Variants in SRD5A2 observed in about 807,000 individuals in gnomAD.
SRD5A2 encodes steroid 5 alpha-reductase 2.
Under a neutral mutation model 27.4 loss-of-function variants are expected in SRD5A2, and 30 were observed. The ratio of observed to expected loss-of-function variants is 1.10; its 90% CI spans 0.82 to 1.49. The LOEUF is 1.49. Among genes scored for constraint, SRD5A2 ranks in the 40% most tolerant of loss-of-function variants. The pLI is 0.00. For missense variants in SRD5A2, 348 were observed against 323.4 expected, an observed-to-expected ratio of 1.08 and a Z score of -0.58; for synonymous variants, 141 against 133.6, an observed-to-expected ratio of 1.06 and a Z score of -0.38.
chr2:31,630,896 T>C, the SRD5A2 span, among the ~76,000 whole-genome samples: 39 of 152,168 alleles, frequency 2.6e-4, no homozygotes, highest in African/African-American at 8.9e-4. Flanking sequence ...GAAGGGTAGA[T>C]GGCTCCTCTC....
At chr2:31,572,474 A>G (rs1192056873) in intron 1 of SRD5A2, among the ~76,000 whole-genome samples, 1 of 152,260 alleles carries the variant, frequency 6.6e-6, no homozygotes, top group Non-Finnish European at 1.5e-5. Context: ...TTAAAACAAA[A>G]GACAGTTAAG....
At chr2:31,610,670 T>C in the SRD5A2 span, among the ~76,000 whole-genome samples, 1 of 152,106 alleles carries the variant, frequency 6.6e-6, no homozygotes, top group Non-Finnish European at 1.5e-5. Context: ...TAAAAAGCAT[T>C]CACACAGAAA....
At chr2:31,611,663 T>C in the SRD5A2 span, among the ~76,000 whole-genome samples, 7 of 152,184 alleles carry the variant, frequency 4.6e-5, no homozygotes, top group Non-Finnish European at 1.0e-4. Context: ...AAAATGATAA[T>C]GCCAAATGAA....
the SRD5A2 span, among the ~76,000 whole-genome samples, chr2:31,593,392 A>G: frequency 1.2e-3 from 190 of 152,300 alleles, no homozygotes; most frequent in African/African-American, 4.4e-3. Context: ...CAGGCAAAAT[A>G]CACTGGAAAG....
chr2:31,628,605 A>G, the SRD5A2 span, among the ~76,000 whole-genome samples: 104,578 of 152,044 alleles, frequency 0.69, 36,165 homozygotes, highest in Middle Eastern at 0.72. Context: ...GTAGTGATTG[A>G]TAATGGTCTT....
At chr2:31,600,151 C>T in the SRD5A2 span, among the ~76,000 whole-genome samples, 1 of 151,902 alleles carries the variant, frequency 6.6e-6, no homozygotes, top group Non-Finnish European at 1.5e-5. Flanking sequence ...TGTTCTTGCA[C>T]AGGATATGAT....
the SRD5A2 span, among the ~76,000 whole-genome samples, chr2:31,612,681 G>T: frequency 3.2e-4 from 49 of 152,100 alleles, no homozygotes; most frequent in African/African-American, 5.1e-4. Flanking sequence ...AAATTTATAC[G>T]GAGTTACAAA....
chr2:31,651,947 C>T, the SRD5A2 span: 1 of 152,934 alleles, frequency 6.5e-6, no homozygotes, highest in Non-Finnish European at 1.5e-5. Context: ...CCCTAGCCAG[C>T]AGCCCCCACC....
chr2:31,639,254 T>C, the SRD5A2 span, among the ~76,000 whole-genome samples: 2 of 152,058 alleles, frequency 1.3e-5, no homozygotes, highest in Admixed American at 1.3e-4. Flanking sequence ...ATATTTTTAC[T>C]TTTAGTTGTC....
At chr2:31,532,219 A>G (rs1665922325) in intron 2 of SRD5A2, among the ~76,000 whole-genome samples, 4 of 152,276 alleles carry the variant, frequency 2.6e-5, no homozygotes, top group Admixed American at 2.6e-4. Context: ...TTGTTATGTA[A>G]GAACTATGAA....
At chr2:31,593,386 C>T in the SRD5A2 span, among the ~76,000 whole-genome samples, 2 of 151,830 alleles carry the variant, frequency 1.3e-5, no homozygotes, top group Non-Finnish European at 2.9e-5. Context: ...TAAAGACAGG[C>T]AAAATACACT....
intron 1 of SRD5A2, among the ~76,000 whole-genome samples, chr2:31,563,632 T>G (rs1227501633): frequency 6.6e-6 from 1 of 151,888 alleles, no homozygotes; most frequent in Non-Finnish European, 1.5e-5. Context: ...CAAGACAGAG[T>G]GCTGAAAAGG....
the SRD5A2 span, among the ~76,000 whole-genome samples, chr2:31,637,130 C>T: frequency 1.7e-3 from 264 of 152,104 alleles, 1 homozygote; most frequent in African/African-American, 6.0e-3. Flanking sequence ...AGATTTTTTA[C>T]TATGGCTTAG....
intron 1 of SRD5A2, among the ~76,000 whole-genome samples, chr2:31,541,530 AC>A (rs1666128330): frequency 2.6e-5 from 4 of 152,314 alleles, no homozygotes; most frequent in African/African-American, 7.2e-5. Flanking sequence ...AGATGGCCAA[AC>A]TGAACCTTGC....
At chr2:31,554,973 G>GTGTA (rs1553326429) in intron 1 of SRD5A2, among the ~76,000 whole-genome samples, 59 of 147,294 alleles carry the variant, frequency 4.0e-4, no homozygotes, top group South Asian at 1.7e-3. Context: ...GTGTGTATGT[G>GTGTA]TGTGTGTGTG....
At chr2:31,616,385 C>T in the SRD5A2 span, among the ~76,000 whole-genome samples, 140 of 152,314 alleles carry the variant, frequency 9.2e-4, no homozygotes, top group Non-Finnish European at 1.6e-3. Flanking sequence ...GCAATAGACA[C>T]TCAATGCCAG....
the SRD5A2 span, among the ~76,000 whole-genome samples, chr2:31,645,356 C>T: frequency 6.6e-6 from 1 of 152,240 alleles, no homozygotes; most frequent in Non-Finnish European, 1.5e-5. Context: ...ACCCATTCTC[C>T]ATGATGTGCT....
chr2:31,662,090 G>A, the SRD5A2 span, among the ~76,000 whole-genome samples: 1 of 151,642 alleles, frequency 6.6e-6, no homozygotes, highest in South Asian at 2.1e-4. Flanking sequence ...TACATATGTT[G>A]GTAAAGCACT....
the SRD5A2 span, among the ~76,000 whole-genome samples, chr2:31,655,534 G>C: frequency 6.6e-6 from 1 of 152,142 alleles, no homozygotes; most frequent in Non-Finnish European, 1.5e-5. Flanking sequence ...AGACAGCCTA[G>C]AAAGAATGAC....
Sources: allele counts gnomAD v4.1 joint callset (sites outside exome capture counted in the v4.1 genomes callset), GRCh38; gene constraint gnomAD v4.1.1; transcripts MANE v1.5; gene names NCBI Gene and HGNC (gene_info 2026-07-23, HGNC 2026-07-21).